KCNH7: variants seen among roughly 807,000 people sequenced by gnomAD.
The protein encoded by KCNH7 is potassium voltage-gated channel subfamily H member 7.
In KCNH7, 49 loss-of-function variants were observed where a neutral mutation model predicts 120.8. The observed-to-expected ratio is 0.41, with a 90% CI of 0.32 to 0.51. KCNH7 has a LOEUF of 0.51. KCNH7 is among the 20% of genes least tolerant of loss of function. The probability of loss-of-function intolerance (pLI) is 0.38; values close to 1 mark genes in which losing one functional copy is unlikely to be tolerated. For synonymous variants in KCNH7, 547 were observed against 516.1 expected, an observed-to-expected ratio of 1.06 and a Z score of -0.81; for missense variants, 1,097 against 1,446.6, an observed-to-expected ratio of 0.76 and a Z score of 3.92.
At chr2:162,602,988 G>T (rs1183729353) in intron 2 of KCNH7, among the ~76,000 whole-genome samples, 3 of 150,190 alleles carry the variant, frequency 2.0e-5, no homozygotes, top group Non-Finnish European at 4.4e-5. Flanking sequence ...GAATAACATT[G>T]AGTTTAGTTT....
intron 6 of KCNH7, among the ~76,000 whole-genome samples, chr2:162,478,178 G>C (rs549717821): frequency 1.3e-5 from 2 of 152,232 alleles, no homozygotes; most frequent in African/African-American, 4.8e-5. Flanking sequence ...GCCTTGGAAA[G>C]GTCTTCACAC....
At chr2:162,490,094 G>T (rs1434636723) in intron 6 of KCNH7, among the ~76,000 whole-genome samples, 1 of 152,188 alleles carries the variant, frequency 6.6e-6, no homozygotes, top group Non-Finnish European at 1.5e-5. Context: ...CTTGCTTTAG[G>T]CAGACAGTAA....
chr2:162,681,358 T>C (rs1270497551), intron 2 of KCNH7, among the ~76,000 whole-genome samples: 2 of 151,750 alleles, frequency 1.3e-5, no homozygotes, highest in East Asian at 3.9e-4. Context: ...GGTGATTGAA[T>C]TGAGGCACAA....
At chr2:162,613,683 AAC>A (rs1683046569) in intron 2 of KCNH7, among the ~76,000 whole-genome samples, 1 of 152,020 alleles carries the variant, frequency 6.6e-6, no homozygotes, top group Non-Finnish European at 1.5e-5. Flanking sequence ...CAAACAAACA[AAC>A]AAAAAACCCA....
At chr2:162,474,119 T>A (rs1689654730) in intron 6 of KCNH7, among the ~76,000 whole-genome samples, 1 of 152,184 alleles carries the variant, frequency 6.6e-6, no homozygotes. Flanking sequence ...TCCTATAAAG[T>A]AGCTCTTATT....
At chr2:162,443,957 C>T (rs1196891634) in intron 7 of KCNH7, among the ~76,000 whole-genome samples, 1 of 152,186 alleles carries the variant, frequency 6.6e-6, no homozygotes, top group Non-Finnish European at 1.5e-5. Flanking sequence ...GTGTTTCCTT[C>T]TGTGTGAAAT....
At chr2:162,486,218 A>G (rs923209779) in intron 6 of KCNH7, among the ~76,000 whole-genome samples, 6 of 152,166 alleles carry the variant, frequency 3.9e-5, no homozygotes, top group African/African-American at 1.4e-4. Flanking sequence ...TTAAAGTGAC[A>G]TCCTTGCTAC....
chr2:162,825,727 A>G (rs1685258069), intron 2 of KCNH7, among the ~76,000 whole-genome samples: 1 of 152,080 alleles, frequency 6.6e-6, no homozygotes, highest in African/African-American at 2.4e-5. Flanking sequence ...TAAAACAATT[A>G]TGGTCTGTGT....
At chr2:162,377,406 AATGGGAAT>A (rs1286787356) in intron 14 of KCNH7, among the ~76,000 whole-genome samples, 1 of 152,234 alleles carries the variant, frequency 6.6e-6, no homozygotes, top group Non-Finnish European at 1.5e-5. Context: ...TACGCAACAC[AATGGGAAT>A]ATTCATGCCA....
intron 9 of KCNH7, among the ~76,000 whole-genome samples, chr2:162,418,013 G>A (rs1391654875): frequency 6.6e-6 from 1 of 152,162 alleles, no homozygotes; most frequent in Non-Finnish European, 1.5e-5. Flanking sequence ...GTGATCATGA[G>A]TGATAAATTT....
intron 2 of KCNH7, among the ~76,000 whole-genome samples, chr2:162,593,480 T>C (rs1694280016): frequency 3.3e-5 from 5 of 152,036 alleles, no homozygotes; most frequent in Admixed American, 3.3e-4. Context: ...CAATTTAACA[T>C]TTGTAGGTAG....
At chr2:162,539,839 C>A (rs13404874) in intron 2 of KCNH7, among the ~76,000 whole-genome samples, 2 of 151,732 alleles carry the variant, frequency 1.3e-5, no homozygotes, top group East Asian at 1.9e-4. Context: ...CATAGCCTCC[C>A]GGAAGGCAGA....
At chr2:162,389,930 T>C (rs1212909609) in intron 12 of KCNH7, among the ~76,000 whole-genome samples, 1 of 152,006 alleles carries the variant, frequency 6.6e-6, no homozygotes, top group African/African-American at 2.4e-5. Flanking sequence ...AAGAATTTTC[T>C]CTAAAACTTT....
chr2:162,825,607 C>A (rs959487135), intron 2 of KCNH7, among the ~76,000 whole-genome samples: 1 of 151,798 alleles, frequency 6.6e-6, no homozygotes, highest in African/African-American at 2.4e-5. Context: ...TACAGGTGGT[C>A]AAGATGGTTG....
At chr2:162,625,745 A>C (rs142633201) in intron 2 of KCNH7, among the ~76,000 whole-genome samples, 1 of 152,156 alleles carries the variant, frequency 6.6e-6, no homozygotes, top group Non-Finnish European at 1.5e-5. Flanking sequence ...ATTACATTGT[A>C]TAATTTACAT....
At chr2:162,475,335 C>A (rs550762279) in intron 6 of KCNH7, among the ~76,000 whole-genome samples, 1 of 152,290 alleles carries the variant, frequency 6.6e-6, no homozygotes, top group South Asian at 2.1e-4. Context: ...AGTTGTCTCA[C>A]AAAATATATT....
At chr2:162,577,364 T>TC (rs1273020660) in intron 2 of KCNH7, among the ~76,000 whole-genome samples, 7 of 138,098 alleles carry the variant, frequency 5.1e-5, no homozygotes, top group East Asian at 2.0e-4. Flanking sequence ...TATCTATCTA[T>TC]CTATCTATCT....
chr2:162,831,741 A>G (rs188062466), intron 2 of KCNH7, among the ~76,000 whole-genome samples: 1 of 152,338 alleles, frequency 6.6e-6, no homozygotes, highest in African/African-American at 2.4e-5. Context: ...TGTTAAACTT[A>G]TCCTGTTCAT....
rs187481072 is a variant in KCNH7, at chr2:162,418,385, C to A, written c.2154+4951G>T. On this transcript the variant is annotated intron_variant, in intron 9 of 15. Coordinates refer to ENST00000332142, the MANE Select transcript of KCNH7 (RefSeq NM_033272.4). ...GGTCATGGACTGTATTTATCAACTT[C>A]AGTAGATAAAAAATCATTAGAAAAA... 3.8e-3 allele frequency among the ~76,000 whole-genome samples: 581 copies of A among 152,064 alleles called. 5 individuals carry two copies. Among genetic ancestry groups the A allele is most frequent in the African/African-American group, 0.014 (563 of 41,460 alleles).
Sources: allele counts gnomAD v4.1 joint callset (sites outside exome capture counted in the v4.1 genomes callset), GRCh38; gene constraint gnomAD v4.1.1; transcripts MANE v1.5; gene names NCBI Gene and HGNC (gene_info 2026-07-23, HGNC 2026-07-21).